The following TNFAIP2 variants were observed in gnomAD, a reference collection of about 807,000 sequenced individuals.
TNFAIP2 encodes tumor necrosis factor alpha-induced protein 2.
In TNFAIP2, 47 loss-of-function variants were observed where a neutral mutation model predicts 63.5. That is an observed-to-expected ratio of 0.74 (90% CI 0.59 to 0.94). TNFAIP2 has a LOEUF of 0.94. TNFAIP2 is among the 40% of genes least tolerant of loss of function. The pLI, the probability that TNFAIP2 is intolerant of heterozygous loss-of-function variation, is 0.00. For synonymous variants in TNFAIP2, 405 were observed against 390.2 expected (o/e 1.04, Z -0.45); for missense variants, 787 against 850.2 (o/e 0.93, Z 0.92).
Position 103,133,358 on chromosome 14 carries a change from C to T in TNFAIP2, c.1546-4C>T. 2 of 1,612,820 alleles carry T rather than the reference C, an allele frequency of 1.2e-6. No individual in the cohort carries two copies. The highest frequency in any genetic ancestry group is 1.7e-6 in the Non-Finnish European group (2 of 1,179,688). ...CACACGCCCCTGGCTGCTTGCCCTC[C>T]CAGGAGCTCATGGAGGCCTTGCACC... On this transcript the variant is annotated splice_region_variant and splice_polypyrimidine_tract_variant and intron_variant, in intron 9 of 11. Coordinates refer to ENST00000560869, the MANE Select transcript of TNFAIP2 (RefSeq NM_006291.4).
rs986162971 is a variant in TNFAIP2 at position 103,131,575 on chromosome 14, C to T, written c.1299-64C>T. On this transcript the variant is annotated intron_variant, in intron 7 of 11. Transcript: ENST00000560869. The surrounding 1 kb of genome is among the most constrained non-coding windows in gnomAD (Gnocchi z 4.0). The stretch of plus-strand genomic sequence containing the variant: ...AGAGTGAAGAGAGGGGGCTGTCTGG[C>T]TCCCTGGGTATGGGGCTATAGGCTG... 2 of 1,511,346 alleles carry T rather than the reference C, an allele frequency of 1.3e-6. No homozygotes were observed. Among genetic ancestry groups the T allele is most frequent in the African/African-American group, 2.7e-5 (2 of 72,830 alleles). The allele number at this position is 1,511,346 out of a possible 1,614,324, so 93.6% of individuals were successfully genotyped here.
upstream of TNFAIP2, among the ~76,000 whole-genome samples, chr14:103,122,380 G>C (rs535105886): frequency 1.3e-5 from 2 of 152,204 alleles, no homozygotes; most frequent in Non-Finnish European, 2.9e-5. Context: ...AGTGATCAGG[G>C]GGCGGGGAAA....
At chr14:103,126,174 A>AG (rs1207798575) in intron 1 of TNFAIP2, 136 bp from the exon 2 acceptor site, 1 of 267,298 alleles carries the variant, frequency 3.7e-6, no homozygotes, top group Non-Finnish European at 7.2e-6. Context: ...CTGGGCCAGG[A>AG]GATGAGCAGA....
chr14:103,134,423 A>G (rs1245976499), intron 11 of TNFAIP2, among the ~76,000 whole-genome samples: 1 of 151,580 alleles, frequency 6.6e-6, no homozygotes, highest in Non-Finnish European at 1.5e-5. Flanking sequence ...CTATCCGTCT[A>G]TCTTCTCACC....
At position 103,129,874 on chromosome 14, in the gene TNFAIP2, A is replaced by G. The variant is rs763161182; in HGVS notation, c.975+20A>G. The G allele has an allele frequency of 1.2e-6, 2 of 1,610,014 alleles. No homozygotes were observed. Among genetic ancestry groups the G allele is most frequent in the Non-Finnish European group, 1.7e-6 (2 of 1,176,896 alleles). On this transcript the variant is annotated intron_variant, in intron 4 of 11. Coordinates refer to ENST00000560869, the MANE Select transcript of TNFAIP2 (RefSeq NM_006291.4). ...GAGGCGGTGAGTCTCCACCTGGGCC[A>G]GGGAGGGGCAGGGAGGCAGCAGAGG...
In TNFAIP2 at chr14:103,135,715, C is replaced by A; in HGVS notation, c.*355C>A. 3.2e-6 allele frequency: 4 copies of A among 1,245,936 alleles called. No homozygotes were observed. The South Asian group carries it at 4.4e-5, about 14-fold the overall frequency. 77.2% of individuals were successfully genotyped at this position (1,245,936 alleles called of 1,614,324 possible). On this transcript the variant is annotated 3_prime_UTR_variant, in exon 12 of 12. Transcript: ENST00000560869. This position sits in a 1 kb window ranked among gnomAD's most constrained non-coding sequence, Gnocchi z 7.6. ...CCTCTGTCCAGAGCCCCTCCACAGT[C>A]GGCCTCATGACTGTCCTCCTCGTGG...
chr14:103,129,185 G>T (rs894610993), intron 3 of TNFAIP2, among the ~76,000 whole-genome samples: 1 of 152,252 alleles, frequency 6.6e-6, no homozygotes, highest in Non-Finnish European at 1.5e-5. Flanking sequence ...GGATTGGGAG[G>T]TGGCCGGGGC....
In TNFAIP2 at chr14:103,123,737, G is replaced by C. The variant is rs1309997067; in HGVS notation, c.-363G>C. Reference sequence around the variant, plus strand: ...CAGGGAGGGCGGGGCTGGGGCAGGCGCAGGGGTCTCCCCTCCATTACAGCA... The same window carrying C: ...CAGGGAGGGCGGGGCTGGGGCAGGCCCAGGGGTCTCCCCTCCATTACAGCA... On this transcript the variant is annotated 5_prime_UTR_variant, in exon 1 of 12. Coordinates refer to ENST00000560869, the MANE Select transcript of TNFAIP2 (RefSeq NM_006291.4). 1 of 152,336 alleles carries C rather than the reference G, an allele frequency of 6.6e-6. No homozygotes were observed. Among genetic ancestry groups the C allele is most frequent in the African/African-American group, 2.4e-5 (1 of 41,464 alleles). 9.4% of individuals were successfully genotyped at this position (152,336 alleles called of 1,614,324 possible).
At chr14:103,128,140 G>C (rs1026202773) in intron 3 of TNFAIP2, among the ~76,000 whole-genome samples, 3 of 152,198 alleles carry the variant, frequency 2.0e-5, no homozygotes, top group Non-Finnish European at 4.4e-5. Context: ...AGGAGGAGGG[G>C]TGATAGGGCA....
At position 103,128,710 on chromosome 14, in the gene TNFAIP2, T is replaced by C. The variant is rs3783390; in HGVS notation, c.861-1030T>C. Among the ~76,000 whole-genome samples the C allele has an allele frequency of 3.8e-4, 58 of 152,122 alleles. No homozygotes were observed. The East Asian group carries it at 6.0e-3, about 16-fold the overall frequency. On this transcript the variant is annotated intron_variant, in intron 3 of 11. Transcript: ENST00000560869. ...GGGTGGGAGAGGAGTCAGCAGGGCA[T>C]AGGGGAACTGGCACAGGGCAGGGGC...
At position 103,133,355 on chromosome 14, in the gene TNFAIP2, C is replaced by T; in HGVS notation, c.1546-7C>T. The T allele has an allele frequency of 3.1e-6, 5 of 1,612,450 alleles. No homozygotes were observed. The highest frequency in any genetic ancestry group is 4.2e-6 in the Non-Finnish European group (5 of 1,179,502). ...GCTCACACGCCCCTGGCTGCTTGCCCTCCCAGGAGCTCATGGAGGCCTTGC... is the reference window on the plus strand; with the variant it reads ...GCTCACACGCCCCTGGCTGCTTGCCTTCCCAGGAGCTCATGGAGGCCTTGC... On this transcript the variant is annotated splice_region_variant and splice_polypyrimidine_tract_variant and intron_variant, in intron 9 of 11. Transcript: ENST00000560869.
intron 9 of TNFAIP2, 124 bp downstream of exon 9, chr14:103,132,996 A>G (rs2234140): frequency 1.4e-6 from 2 of 1,439,630 alleles, no homozygotes; most frequent in African/African-American, 1.4e-5. Context: ...ACACACGTGA[A>G]TGCACGAGCA....
Position 103,135,891 on chromosome 14 carries a change from G to A in TNFAIP2, c.*531G>A, listed in dbSNP as rs760129248. The A allele has an allele frequency of 1.6e-5, 21 of 1,289,898 alleles. No homozygotes were observed. The highest frequency in any genetic ancestry group is 2.1e-4 in the Middle Eastern group (1 of 4,718). The allele number at this position is 1,289,898 out of a possible 1,614,324, so 79.9% of individuals were successfully genotyped here. ...AGAAAGAAGGAAAAGATGAGCTCTC[G>A]TCTGGCAGGGGCTTTTAGGGTCCTG... is the stretch of plus-strand genomic sequence containing the variant. On this transcript the variant is annotated 3_prime_UTR_variant, in exon 12 of 12. Transcript: ENST00000560869. The surrounding 1 kb of genome is among the most constrained non-coding windows in gnomAD (Gnocchi z 7.6).
rs760221051 is a variant in TNFAIP2, at chr14:103,133,413, C to G, written c.1597C>G (p.Leu533Val). 3 of 1,613,988 alleles carry G rather than the reference C, an allele frequency of 1.9e-6. No homozygotes were observed. The East Asian group carries it at 6.7e-5, about 36-fold the overall frequency. The change falls in exon 10 of 12, where the codon CTC becomes GTC. Residue 533 changes from leucine (L) to valine (V), a missense_variant. Physicochemically the swap from Leu to Val is conservative, Grantham distance 32. Coordinates refer to ENST00000560869, the MANE Select transcript of TNFAIP2 (RefSeq NM_006291.4). Reference sequence around the variant, plus strand: ...CCTGGTGAAGGAGTACATCATCCAACTCAGCAAGGGGCGCCTGGTCCTCAA... The same window carrying G: ...CCTGGTGAAGGAGTACATCATCCAAGTCAGCAAGGGGCGCCTGGTCCTCAA... ...LHLVKEYIIQ[L>V]SKGRLVLKTA...
At chr14:103,129,607 CG>C in intron 3 of TNFAIP2, 132 bp from the exon 4 acceptor site, 1 of 696,882 alleles carries the variant, frequency 1.4e-6, no homozygotes, top group Non-Finnish European at 2.5e-6. Flanking sequence ...AAATGGGGAC[CG>C]GGTGGGGGTG....
rs749663817 is a variant in TNFAIP2, at chr14:103,135,170, G to GT, written c.1824-48dup. 3.1e-6 allele frequency: 5 copies of GT among 1,612,418 alleles called. No homozygotes were observed. In the African/African-American group the frequency reaches 5.3e-5, roughly 17 times the overall value. ...GGCCGGGAGTGCAGGGAGCTGGTGA[G>GT]TAGGGGTGTGGGTGACAGGCTGGGC... On this transcript the variant is annotated intron_variant, in intron 11 of 11. Coordinates refer to ENST00000560869, the MANE Select transcript of TNFAIP2 (RefSeq NM_006291.4). The surrounding 1 kb of genome is among the most constrained non-coding windows in gnomAD (Gnocchi z 7.6).
rs2088080426 is a variant in TNFAIP2, at chr14:103,135,685, G to A, written c.*325G>A. 7 of 1,247,900 alleles carry A rather than the reference G, an allele frequency of 5.6e-6. No homozygotes were observed. The highest frequency in any genetic ancestry group is 3.1e-5 in the South Asian group (2 of 65,478). 77.3% of individuals were successfully genotyped at this position (1,247,900 alleles called of 1,614,324 possible). A position where few individuals can be genotyped will look rare whatever the true frequency, so the allele number is the denominator to read the frequency against. On this transcript the variant is annotated 3_prime_UTR_variant, in exon 12 of 12. Transcript: ENST00000560869. This position sits in a 1 kb window ranked among gnomAD's most constrained non-coding sequence, Gnocchi z 7.6. ...AGTGCAGCCAGGCTCAGGGATCCCC[G>A]GACACCTCTGTCCAGAGCCCCTCCA...
At position 103,136,520 on chromosome 14, in the gene TNFAIP2, CT is replaced by C. The variant is rs11358000; in HGVS notation, c.*1178del. 91,844 of 120,790 alleles carry C rather than the reference CT, an allele frequency of 0.76. 35,020 individuals are homozygous for C. Among genetic ancestry groups the C allele is most frequent in the African/African-American group, 0.88 (27,150 of 30,738 alleles). The allele number at this position is 120,790 out of a possible 1,614,324, so 7.5% of individuals were successfully genotyped here. A position where few individuals can be genotyped will look rare whatever the true frequency, so the allele number is the denominator to read the frequency against. On this transcript the variant is annotated 3_prime_UTR_variant, in exon 12 of 12. Coordinates refer to ENST00000560869, the MANE Select transcript of TNFAIP2 (RefSeq NM_006291.4). ...TCCCCTCTCCTGCCTCCCTCCACCA[CT>C]TTTTTTTTTTTTTTTTTGAGACAGG...
intron 1 of TNFAIP2, among the ~76,000 whole-genome samples, chr14:103,125,727 C>T (rs1302691199): frequency 2.0e-5 from 3 of 152,228 alleles, no homozygotes; most frequent in African/African-American, 7.2e-5. Flanking sequence ...GGCTCTGCCC[C>T]TTTCATGGCC....
Sources: allele counts gnomAD v4.1 joint callset (sites outside exome capture counted in the v4.1 genomes callset), GRCh38; gene constraint gnomAD v4.1.1; non-coding constraint Gnocchi (gnomAD v3.1); transcripts MANE v1.5; gene names NCBI Gene and HGNC (gene_info 2026-07-23, HGNC 2026-07-21).